Variants in ANKRD53 observed in about 807,000 individuals in gnomAD.
The protein encoded by ANKRD53 is ankyrin repeat domain-containing protein 53.
A neutral mutation model predicts 30.1 loss-of-function variants in ANKRD53; 27 were observed. The observed-to-expected ratio is 0.90, with a 90% CI of 0.66 to 1.24. The LOEUF (loss-of-function observed/expected upper bound fraction) is 1.24, where lower values mean the gene tolerates loss of function less well. ANKRD53 is among the 50% of genes most tolerant of loss of function. The probability of loss-of-function intolerance (pLI) is 0.00; values close to 1 mark genes in which losing one functional copy is unlikely to be tolerated. For synonymous variants in ANKRD53, 286 were observed against 295.4 expected, an observed-to-expected ratio of 0.97 and a Z score of 0.33; for missense variants, 682 against 721.0, an observed-to-expected ratio of 0.95 and a Z score of 0.62.
Position 70,982,387 on chromosome 2 carries a change from A to G in ANKRD53, c.783-190A>G. On this transcript the variant is annotated intron_variant, in intron 4 of 5. Coordinates refer to ENST00000360589, the MANE Select transcript of ANKRD53 (RefSeq NM_001115116.2). This position sits in a 1 kb window ranked among gnomAD's most constrained non-coding sequence, Gnocchi z 4.2. ...GAGGGTGGTGACCAGGTCATCAAGG[A>G]CTTTCGTCTTTCACCTAAAGGAAGT... is the stretch of plus-strand genomic sequence containing the variant. 1 of 841,662 alleles carries G rather than the reference A, an allele frequency of 1.2e-6. No homozygotes were observed. The highest frequency in any genetic ancestry group is 1.9e-5 in the South Asian group (1 of 52,974). 52.1% of individuals were successfully genotyped at this position (841,662 alleles called of 1,614,324 possible).
chr2:70,984,207 T>C (rs2104861328), intron 5 of ANKRD53: 2 of 1,614,212 alleles, frequency 1.2e-6, no homozygotes, highest in East Asian at 2.2e-5. Context: ...TTCTCTACTA[T>C]CAGACTGTGG....
rs782427275 is a variant in ANKRD53 at position 70,982,023 on chromosome 2, C to T, written c.705C>T (p.Ala235=). 7 of 1,613,618 alleles carry T rather than the reference C, an allele frequency of 4.3e-6. No homozygotes were observed. Among genetic ancestry groups the T allele is most frequent in the South Asian group, 1.1e-5 (1 of 91,030 alleles). ...DCVKVLVQSG[A]NVHAQDAMGY... ...TGAAGGTCCTGGTGCAGAGTGGCGC[C>T]AACGTCCATGCCCAAGATGCCATGG... The change falls in exon 4 of 6, where the codon GCC becomes GCT. Residue 235 remains alanine, a synonymous_variant. Transcript: ENST00000360589. This position sits in a 1 kb window ranked among gnomAD's most constrained non-coding sequence, Gnocchi z 4.2.
chr2:70,982,813 C>T lies in ANKRD53; in HGVS notation c.903+116C>T. 2 of 1,398,526 alleles carry T rather than the reference C, an allele frequency of 1.4e-6. No individual in the cohort carries two copies. The highest frequency in any genetic ancestry group is 2.4e-5 in the East Asian group (1 of 41,588). 86.6% of individuals were successfully genotyped at this position (1,398,526 alleles called of 1,614,324 possible). On this transcript the variant is annotated intron_variant, in intron 5 of 5. Transcript: ENST00000360589. This position sits in a 1 kb window ranked among gnomAD's most constrained non-coding sequence, Gnocchi z 4.2. ...TAGAAGCACTCCCACCCTGAAAGAG[C>T]CACCCTTTCGCCTGTACTCCCACCG...
chr2:70,985,273 C>T lies in ANKRD53; in HGVS notation c.1566C>T (p.Thr522=). ...AAVRSHQGLP[T]LPSPQTNP is the part of the protein sequence containing the mutation. ...TGCGATCTCATCAAGGACTCCCCAC[C>T]CTGCCCTCCCCACAAACCAACCCAT... Residue 522 remains threonine, a synonymous_variant, in exon 6 of 6, where the codon ACC becomes ACT. Transcript: ENST00000360589. 1 of 1,547,504 alleles carries T rather than the reference C, an allele frequency of 6.5e-7. No homozygotes were observed. Among genetic ancestry groups the T allele is most frequent in the Non-Finnish European group, 8.7e-7 (1 of 1,144,280 alleles).
intron 5 of ANKRD53, chr2:70,984,066 C>A: frequency 2.9e-5 from 44 of 1,543,216 alleles, no homozygotes; most frequent in Non-Finnish European, 3.8e-5. Context: ...AGGCCCACCA[C>A]TTCCAAGAAG....
In ANKRD53 at chr2:70,981,948, C is replaced by G; in HGVS notation, c.630C>G (p.Asn210Lys). Residue 210 changes from asparagine (N) to lysine (K), a missense_variant, in exon 4 of 6, where the codon AAC becomes AAG. By Grantham distance (94) the Asn-to-Lys change is moderately conservative (BLOSUM62 0). Transcript: ENST00000360589. ...KGADLNAQTC[N>K]GSTPLHLAAR... ...GGGCCTTCCACAGTCAGACATGCAA[C>G]GGCTCCACGCCCCTGCACCTGGCAG... is the stretch of plus-strand genomic sequence containing the variant. The G allele has an allele frequency of 6.3e-7, 1 of 1,585,464 alleles. No homozygotes were observed. Among genetic ancestry groups the G allele is most frequent in the Non-Finnish European group, 8.6e-7 (1 of 1,165,230 alleles).
chr2:70,978,930 CAG>C lies in ANKRD53; in HGVS notation c.170+119_170+120del. 16 of 1,443,676 alleles carry C rather than the reference CAG, an allele frequency of 1.1e-5. No homozygotes were observed. In the South Asian group the frequency reaches 2.0e-4, roughly 18 times the overall value. 89.4% of individuals were successfully genotyped at this position (1,443,676 alleles called of 1,614,324 possible). ...CGGAGGCTGCGGCCCGAGAAGCCAG[CAG>C]AGACAGGCTGGGGCCAGGGATCGCC... On this transcript the variant is annotated intron_variant, in intron 1 of 5. Coordinates refer to ENST00000360589, the MANE Select transcript of ANKRD53 (RefSeq NM_001115116.2). This position sits in a 1 kb window ranked among gnomAD's most constrained non-coding sequence, Gnocchi z 4.3.
In ANKRD53 at chr2:70,985,163, C is replaced by G; in HGVS notation, c.1456C>G (p.Arg486Gly). 3 of 1,550,898 alleles carry G rather than the reference C, an allele frequency of 1.9e-6. No individual in the cohort carries two copies. Among genetic ancestry groups the G allele is most frequent in the Non-Finnish European group, 1.7e-6 (2 of 1,146,734 alleles). The change falls in exon 6 of 6, where the codon CGG (arginine) becomes GGG (glycine). Residue 486 changes from arginine (R) to glycine (G), a missense_variant. Arg to Gly is a moderately radical substitution (Grantham distance 125). Coordinates refer to ENST00000360589, the MANE Select transcript of ANKRD53 (RefSeq NM_001115116.2). ...PISMREVPRK[R>G]HLGDNTFWTD... ...CAGCATGAGGGAAGTGCCCAGGAAG[C>G]GGCACCTGGGTGACAACACCTTCTG...
intron 5 of ANKRD53, 26 bp from the exon 6 acceptor site, chr2:70,984,585 C>G (rs782754209): frequency 6.2e-7 from 1 of 1,607,806 alleles, no homozygotes; most frequent in African/African-American, 1.3e-5. Context: ...TCCTCCATGA[C>G]TCTCTTGTGC....
chr2:70,984,405 G>A (rs1037038350), intron 5 of ANKRD53: 12 of 985,236 alleles, frequency 1.2e-5, no homozygotes, highest in Middle Eastern at 5.2e-4. Context: ...GCTCCCTTAT[G>A]GAAAAAGTTG....
At chr2:70,981,811 C>A in intron 3 of ANKRD53, 125 bp from the exon 4 acceptor site, 1 of 1,066,358 alleles carries the variant, frequency 9.4e-7, no homozygotes, top group Non-Finnish European at 1.3e-6. Flanking sequence ...ACAGACATAG[C>A]TAGGATCACC....
chr2:70,978,895 C>A lies in ANKRD53; in HGVS notation c.170+80C>A, dbSNP rs1021804162. On this transcript the variant is annotated intron_variant, in intron 1 of 5. Coordinates refer to ENST00000360589, the MANE Select transcript of ANKRD53 (RefSeq NM_001115116.2). This position sits in a 1 kb window ranked among gnomAD's most constrained non-coding sequence, Gnocchi z 4.3. ...CCTCCCTGGTGGGCAGGGCCTGGAG[C>A]GGGCGGGGGCGGAGGCTGCGGCCCG... The A allele has an allele frequency of 4.1e-6, 6 of 1,473,212 alleles. No homozygotes were observed. The highest frequency in any genetic ancestry group is 2.4e-5 in the Admixed American group (1 of 41,384). 91.3% of individuals were successfully genotyped at this position (1,473,212 alleles called of 1,614,324 possible). A position where few individuals can be genotyped will look rare whatever the true frequency, so the allele number is the denominator to read the frequency against.
chr2:70,979,300 T>C lies in ANKRD53; in HGVS notation c.374T>C (p.Phe125Ser). 1 of 1,613,622 alleles carries C rather than the reference T, an allele frequency of 6.2e-7. No individual in the cohort carries two copies. The highest frequency in any genetic ancestry group is 1.1e-5 in the South Asian group (1 of 91,088). Residue 125 changes from phenylalanine (F) to serine (S), a missense_variant, in exon 2 of 6, where the codon TTC (phenylalanine) becomes TCC (serine). Physicochemically the swap from Phe to Ser is radical, Grantham distance 155. Coordinates refer to ENST00000360589, the MANE Select transcript of ANKRD53 (RefSeq NM_001115116.2). Reference protein sequence around the residue: ...AAVGNVEWLRFCLNQSLREIP... With the variant: ...AAVGNVEWLRSCLNQSLREIP... ...GTGGGCAACGTGGAATGGCTGCGAT[T>C]CTGTCTGAACCAGAGCCTCAGGGAA...
Position 70,985,123 on chromosome 2 carries a change from G to T in ANKRD53, c.1416G>T (p.Gln472His). ...RVWPYRMKVP[Q>H]GFYPISMREV... Reference sequence around the variant, plus strand: ...GGCCATACAGAATGAAGGTGCCCCAGGGCTTTTACCCCATCAGCATGAGGG... The same window carrying T: ...GGCCATACAGAATGAAGGTGCCCCATGGCTTTTACCCCATCAGCATGAGGG... Residue 472 changes from glutamine (Q) to histidine (H), a missense_variant, in exon 6 of 6, where the codon CAG becomes CAT. Gln to His is a conservative substitution (Grantham distance 24, BLOSUM62 0). Transcript: ENST00000360589. 6.4e-7 allele frequency: 1 copy of T among 1,551,228 alleles called. No individual in the cohort carries two copies. The highest frequency in any genetic ancestry group is 1.2e-5 in the South Asian group (1 of 84,050).
chr2:70,980,653 A>T (rs902964781), intron 3 of ANKRD53, among the ~76,000 whole-genome samples: 3 of 151,984 alleles, frequency 2.0e-5, no homozygotes, highest in East Asian at 1.9e-4. Context: ...AATAAAAAAT[A>T]AAAAAAATTA....
Position 70,985,451 on chromosome 2 carries a change from A to G in ANKRD53, c.*151A>G. ...TCACCCTTCCCAATCAAAAGCCCAG[A>G]CCCCAGGCCTCCCTTTTCTCTGCAA... On this transcript the variant is annotated 3_prime_UTR_variant, in exon 6 of 6. Transcript: ENST00000360589. The G allele has an allele frequency of 1.5e-6, 1 of 676,880 alleles. No individual in the cohort carries two copies. Among genetic ancestry groups the G allele is most frequent in the Non-Finnish European group, 2.4e-6 (1 of 412,062 alleles). The allele number at this position is 676,880 out of a possible 1,614,324, so 41.9% of individuals were successfully genotyped here.
intron 2 of ANKRD53, 108 bp downstream of exon 2, chr2:70,979,451 T>TA: frequency 6.5e-7 from 1 of 1,530,590 alleles, no homozygotes; most frequent in Non-Finnish European, 8.8e-7. Context: ...CTTCCTAATT[T>TA]AACTCATCTT....
chr2:70,983,415 C>T (rs1553424033), intron 5 of ANKRD53, among the ~76,000 whole-genome samples: 1 of 152,220 alleles, frequency 6.6e-6, no homozygotes, highest in African/African-American at 2.4e-5. Flanking sequence ...CAGGAGCCCA[C>T]ATCAGTGAAG....
intron 3 of ANKRD53, among the ~76,000 whole-genome samples, chr2:70,981,290 G>A (rs1670002895): frequency 6.6e-6 from 1 of 152,086 alleles, no homozygotes; most frequent in Non-Finnish European, 1.5e-5. Context: ...AGCAGACAGT[G>A]AATTAGCAAA....
Sources: gnomAD v4.1 joint callset for allele counts (sites outside exome capture counted in the v4.1 genomes callset) on GRCh38, gnomAD v4.1.1 for gene constraint, Gnocchi (gnomAD v3.1) non-coding constraint, MANE v1.5 for transcripts, NCBI Gene and HGNC (gene_info 2026-07-23, HGNC 2026-07-21) for gene names.